The following SLC23A2 variants were observed in gnomAD, a reference collection of about 807,000 sequenced individuals.
The protein encoded by SLC23A2 is solute carrier family 23 member 2.
Under a neutral mutation model 73.3 loss-of-function variants are expected in SLC23A2, and 36 were observed. That is an observed-to-expected ratio of 0.49 (90% CI 0.38 to 0.65). SLC23A2 has a LOEUF of 0.65. Among genes scored for constraint, SLC23A2 ranks in the 30% least tolerant of loss-of-function variants. The pLI is 0.00. For missense variants in SLC23A2, 507 were observed against 841.6 expected (o/e 0.60, Z 4.92); for synonymous variants, 343 against 327.3 (o/e 1.05, Z -0.52).
At chr20:4,925,288 G>A (rs1478741266) in intron 3 of SLC23A2, among the ~76,000 whole-genome samples, 1 of 152,010 alleles carries the variant, frequency 6.6e-6, no homozygotes, top group Non-Finnish European at 1.5e-5. Context: ...ATTTTTAAAA[G>A]GACAAATTAA....
intron 3 of SLC23A2, among the ~76,000 whole-genome samples, chr20:4,915,562 T>C (rs1932292897): frequency 6.6e-6 from 1 of 152,210 alleles, no homozygotes; most frequent in African/African-American, 2.4e-5. Flanking sequence ...AATTCATGTG[T>C]TTTTGTAGTC....
upstream of SLC23A2, among the ~76,000 whole-genome samples, chr20:5,006,417 T>C (rs147508073): frequency 6.6e-6 from 1 of 152,004 alleles, no homozygotes; most frequent in Non-Finnish European, 1.5e-5. Flanking sequence ...ATAATATTTT[T>C]ATAATACAGG....
Position 4,970,089 on chromosome 20 carries a change from C to G in SLC23A2, c.-155+704G>C, listed in dbSNP as rs906391833. On this transcript the variant is annotated intron_variant, in intron 2 of 16. Transcript: ENST00000338244. ...GAGGAAACAATTCTTAAATCTCTTT[C>G]CACTCCAGGTTCCTCACGTATAAAC... 2.6e-5 allele frequency among the ~76,000 whole-genome samples: 4 copies of G among 152,060 alleles called. No individual in the cohort carries two copies. In the East Asian group the frequency reaches 5.8e-4, roughly 22 times the overall value.
intron 13 of SLC23A2, among the ~76,000 whole-genome samples, chr20:4,866,090 C>A (rs1203131706): frequency 6.6e-6 from 1 of 152,314 alleles, no homozygotes; most frequent in South Asian, 2.1e-4. Flanking sequence ...ACCTCGGCCT[C>A]CCAAACTGCT....
chr20:5,007,842 C>T (rs2088207474), intron 1 of SLC23A2, among the ~76,000 whole-genome samples: 1 of 151,996 alleles, frequency 6.6e-6, no homozygotes, highest in Non-Finnish European at 1.5e-5. Context: ...CAAGGTTCAA[C>T]TACATTGTAG....
chr20:4,962,588 T>A (rs1328777567), intron 2 of SLC23A2, among the ~76,000 whole-genome samples: 1 of 151,994 alleles, frequency 6.6e-6, no homozygotes, highest in African/African-American at 2.4e-5. Flanking sequence ...AGGTAAAAGG[T>A]CAGTGAGGTC....
In SLC23A2 at chr20:4,868,075, T is replaced by G. The variant is rs1930278952; in HGVS notation, c.1251-200A>C. Among the ~76,000 whole-genome samples, 1 of 82,134 alleles carries G rather than the reference T, an allele frequency of 1.2e-5. No homozygotes were observed. The highest frequency in any genetic ancestry group is 2.4e-5 in the Non-Finnish European group (1 of 42,094). The allele number at this position is 82,134 out of a possible 152,430, so 53.9% of individuals were successfully genotyped here. On this transcript the variant is annotated intron_variant, in intron 12 of 16. Coordinates refer to ENST00000338244, the MANE Select transcript of SLC23A2 (RefSeq NM_005116.6). This position sits in a 1 kb window ranked among gnomAD's most constrained non-coding sequence, Gnocchi z 4.4. ...GCTGAAGCAGAAAAGAATCTGCATT[T>G]TTTTTTTTTTTTTTTTTTTTTTTAG...
intron 2 of SLC23A2, 48 bp downstream of exon 2, chr20:4,970,741 AAAGT>A (rs2087548358): frequency 6.6e-6 from 1 of 152,228 alleles, no homozygotes; most frequent in Non-Finnish European, 1.5e-5. Flanking sequence ...TGTTTCAGAA[AAAGT>A]AAGAAAAGGA....
intron 5 of SLC23A2, among the ~76,000 whole-genome samples, chr20:4,901,508 C>T (rs966413968): frequency 4.6e-5 from 7 of 152,148 alleles, no homozygotes; most frequent in Non-Finnish European, 1.0e-4. Flanking sequence ...TTCTCCAAAA[C>T]GTCCCGCGTT....
intron 1 of SLC23A2, among the ~76,000 whole-genome samples, chr20:4,978,303 AG>A (rs1182504074): frequency 6.6e-6 from 1 of 152,236 alleles, no homozygotes; most frequent in Non-Finnish European, 1.5e-5. Context: ...CGTGTGAACA[AG>A]CACTGTTGAC....
At chr20:4,993,240 T>TGCACTCCAGCCTGGGCGC in intron 1 of SLC23A2, among the ~76,000 whole-genome samples, 1 of 148,522 alleles carries the variant, frequency 6.7e-6, no homozygotes, top group East Asian at 2.0e-4. Context: ...GCTGAGATCG[T>TGCACTCCAGCCTGGGCGC]GCCACTGCAC....
At chr20:4,933,536 G>A (rs1932812214) in intron 2 of SLC23A2, among the ~76,000 whole-genome samples, 1 of 152,004 alleles carries the variant, frequency 6.6e-6, no homozygotes, top group Non-Finnish European at 1.5e-5. Flanking sequence ...GGCTGAGGCA[G>A]GAGAATCACT....
intron 6 of SLC23A2, among the ~76,000 whole-genome samples, chr20:4,888,248 A>T (rs1931183494): frequency 6.6e-6 from 1 of 152,246 alleles, no homozygotes; most frequent in African/African-American, 2.4e-5. Context: ...ACTGGAACAA[A>T]GGACAGCCAT....
At chr20:4,937,774 C>A (rs2086982250) in intron 2 of SLC23A2, among the ~76,000 whole-genome samples, 2 of 152,164 alleles carry the variant, frequency 1.3e-5, no homozygotes, top group South Asian at 4.1e-4. Context: ...ACAAACACAG[C>A]CCAGGCCAGC....
In SLC23A2 at chr20:4,868,100, G is replaced by A. The variant is rs183226516; in HGVS notation, c.1251-225C>T. Among the ~76,000 whole-genome samples the A allele has an allele frequency of 1.8e-5, 2 of 109,960 alleles. No homozygotes were observed. Among genetic ancestry groups the A allele is most frequent in the Admixed American group, 1.1e-4 (1 of 9,012 alleles). The allele number at this position is 109,960 out of a possible 152,430, so 72.1% of individuals were successfully genotyped here. A position where few individuals can be genotyped will look rare whatever the true frequency, so the allele number is the denominator to read the frequency against. On this transcript the variant is annotated intron_variant, in intron 12 of 16. Coordinates refer to ENST00000338244, the MANE Select transcript of SLC23A2 (RefSeq NM_005116.6). The surrounding 1 kb of genome is among the most constrained non-coding windows in gnomAD (Gnocchi z 4.4). Reference sequence around the variant, plus strand: ...TTTTTTTTTTTTTTTTTTTTTTTTAGAGAGTGTCTCACTCCGTCACCTAGG... The same window carrying A: ...TTTTTTTTTTTTTTTTTTTTTTTTAAAGAGTGTCTCACTCCGTCACCTAGG...
chr20:4,921,615 A>G (rs1350442783), intron 3 of SLC23A2, among the ~76,000 whole-genome samples: 1 of 152,052 alleles, frequency 6.6e-6, no homozygotes, highest in Admixed American at 6.5e-5. Flanking sequence ...AAAAAAAAAA[A>G]AAAGAAATAC....
At chr20:4,929,468 G>C (rs1390250777) in intron 3 of SLC23A2, among the ~76,000 whole-genome samples, 1 of 152,090 alleles carries the variant, frequency 6.6e-6, no homozygotes, top group African/African-American at 2.4e-5. Flanking sequence ...AGACAACGAG[G>C]GCTCCACCCT....
intron 7 of SLC23A2, among the ~76,000 whole-genome samples, chr20:4,885,594 G>A (rs992372311): frequency 2.6e-5 from 4 of 152,198 alleles, no homozygotes; most frequent in African/African-American, 9.7e-5. Context: ...AGAGAAATGA[G>A]GTCAATTCTG....
rs1477826803 is a variant in SLC23A2, at chr20:4,868,359, C to A, written c.1251-484G>T. 6.6e-6 allele frequency among the ~76,000 whole-genome samples: 1 copy of A among 152,206 alleles called. No homozygotes were observed. The highest frequency in any genetic ancestry group is 1.5e-5 in the Non-Finnish European group (1 of 68,038). On this transcript the variant is annotated intron_variant, in intron 12 of 16. Coordinates refer to ENST00000338244, the MANE Select transcript of SLC23A2 (RefSeq NM_005116.6). The surrounding 1 kb of genome is among the most constrained non-coding windows in gnomAD (Gnocchi z 4.4). ...AAAATGTTGGGATTACAGGCGTGAG[C>A]CACTGTGCCCGGCCAGAATCTGCAT...
Sources: gnomAD v4.1 joint callset for allele counts (sites outside exome capture counted in the v4.1 genomes callset) on GRCh38, gnomAD v4.1.1 for gene constraint, Gnocchi (gnomAD v3.1) non-coding constraint, MANE v1.5 for transcripts, NCBI Gene and HGNC (gene_info 2026-07-23, HGNC 2026-07-21) for gene names.